WWOX: variants seen among roughly 807,000 people sequenced by gnomAD.
WWOX encodes the protein WW domain-containing oxidoreductase.
A neutral mutation model predicts 46.2 loss-of-function variants in WWOX; 69 were observed. The ratio of observed to expected loss-of-function variants is 1.49; its 90% confidence interval spans 1.23 to 1.82. The LOEUF is 1.82. WWOX is among the 40% of genes most tolerant of loss of function. The pLI, the probability that WWOX is intolerant of heterozygous loss-of-function variation, is 0.00. For missense variants in WWOX, 919 were observed against 542.6 expected (o/e 1.69, Z -6.89); for synonymous variants, 359 against 202.6 (o/e 1.77, Z -6.56).
intron 8 of WWOX, among the ~76,000 whole-genome samples, chr16:78,923,459 C>G (rs140929410): frequency 1.1e-3 from 163 of 152,206 alleles, no homozygotes; most frequent in African/African-American, 3.7e-3. Flanking sequence ...TTCCTAATAT[C>G]TAGTTTATAT....
At chr16:78,415,413 G>C (rs2082776307) in intron 6 of WWOX, among the ~76,000 whole-genome samples, 1 of 152,066 alleles carries the variant, frequency 6.6e-6, no homozygotes, top group African/African-American at 2.4e-5. Flanking sequence ...AGGTCTTTAT[G>C]ACCTGTATCT....
chr16:78,657,348 C>A (rs911319061), intron 8 of WWOX, among the ~76,000 whole-genome samples: 2 of 152,116 alleles, frequency 1.3e-5, no homozygotes, highest in Non-Finnish European at 2.9e-5. Context: ...AGGGGACTTT[C>A]TTGCTTCCTC....
intron 5 of WWOX, among the ~76,000 whole-genome samples, chr16:78,318,130 G>T (rs559281259): frequency 9.9e-5 from 15 of 152,246 alleles, no homozygotes; most frequent in Admixed American, 5.9e-4. Flanking sequence ...TTGATTTAAA[G>T]GCACTGCGTC....
At chr16:78,557,274 A>G (rs1431257984) in intron 8 of WWOX, among the ~76,000 whole-genome samples, 1 of 152,200 alleles carries the variant, frequency 6.6e-6, no homozygotes, top group Non-Finnish European at 1.5e-5. Context: ...CTATGATCAC[A>G]TAGACATTTG....
At chr16:78,532,805 A>G (rs1311009954) in intron 8 of WWOX, among the ~76,000 whole-genome samples, 1 of 152,164 alleles carries the variant, frequency 6.6e-6, no homozygotes, top group Non-Finnish European at 1.5e-5. Context: ...ACCTGCCTCC[A>G]TGATTCAGTT....
intron 8 of WWOX, among the ~76,000 whole-genome samples, chr16:78,691,837 C>G (rs1220076532): frequency 2.6e-5 from 4 of 152,204 alleles, no homozygotes. Flanking sequence ...CAAATCTCAA[C>G]TTGAATTGTA....
intron 8 of WWOX, among the ~76,000 whole-genome samples, chr16:78,615,047 A>G (rs1223837334): frequency 1.3e-5 from 2 of 152,200 alleles, no homozygotes; most frequent in East Asian, 1.9e-4. Flanking sequence ...TGCATTGTCA[A>G]TTCAGAAATA....
At chr16:79,100,387 C>T (rs2049167363) in intron 8 of WWOX, among the ~76,000 whole-genome samples, 2 of 152,236 alleles carry the variant, frequency 1.3e-5, no homozygotes, top group African/African-American at 2.4e-5. Flanking sequence ...AGAAAAGAAG[C>T]CCTGGGTTTA....
chr16:78,938,080 C>G (rs555474545), intron 8 of WWOX, among the ~76,000 whole-genome samples: 43 of 152,324 alleles, frequency 2.8e-4, no homozygotes, highest in African/African-American at 8.9e-4. Flanking sequence ...AGCAGCAGGG[C>G]TAAGATCACC....
At chr16:79,066,181 C>T (rs897822766) in intron 8 of WWOX, among the ~76,000 whole-genome samples, 5 of 152,324 alleles carry the variant, frequency 3.3e-5, no homozygotes, top group African/African-American at 1.2e-4. Flanking sequence ...TCCTAAATCA[C>T]TCCCCTCCCT....
At chr16:78,723,564 TTTCTTTTCTTTTC>T (rs2048744980) in intron 8 of WWOX, among the ~76,000 whole-genome samples, 1 of 28,088 alleles carries the variant, frequency 3.6e-5, no homozygotes, top group Non-Finnish European at 7.1e-5. Flanking sequence ...CTTCTTTTCT[TTTCTTTTCTTTTC>T]TTTTCTTTTC....
intron 5 of WWOX, among the ~76,000 whole-genome samples, chr16:78,174,975 A>T (rs1047675509): frequency 6.7e-6 from 1 of 148,604 alleles, no homozygotes; most frequent in African/African-American, 2.5e-5. Flanking sequence ...GTGACAGAGC[A>T]AGACTCTGTC....
intron 8 of WWOX, among the ~76,000 whole-genome samples, chr16:79,109,795 A>G (rs1597384384): frequency 6.6e-6 from 1 of 152,162 alleles, no homozygotes; most frequent in Admixed American, 6.5e-5. Flanking sequence ...AATCAGAGTC[A>G]TTTTCTCTCT....
At chr16:78,368,049 G>T (rs1206615141) in intron 5 of WWOX, among the ~76,000 whole-genome samples, 1 of 152,184 alleles carries the variant, frequency 6.6e-6, no homozygotes, top group African/African-American at 2.4e-5. Flanking sequence ...GAGCCTCTGT[G>T]CCCGGCTTCT....
rs200594331 is a variant in WWOX at position 78,123,435 on chromosome 16, G to GTTTTTTTTTTTTTT, written c.409+8285_409+8286insTTTTTTTTTTTTTT. On this transcript the variant is annotated intron_variant, in intron 4 of 8. Transcript: ENST00000566780. ...CCCTATGTTTTTTTCTTTGTTTTTT[G>GTTTTTTTTTTTTTT]TTTTGTTTTTTTTTTTTTTGTTTTT... 68 of 48,706 alleles carry GTTTTTTTTTTTTTT rather than the reference G, an allele frequency of 1.4e-3. 10 individuals carry two copies. Among genetic ancestry groups the GTTTTTTTTTTTTTT allele is most frequent in the Middle Eastern group, 0.02 (2 of 100 alleles). 3.0% of individuals were successfully genotyped at this position (48,706 alleles called of 1,614,324 possible).
intron 8 of WWOX, among the ~76,000 whole-genome samples, chr16:78,696,568 G>A (rs1567497969): frequency 6.6e-6 from 1 of 152,098 alleles, no homozygotes; most frequent in Non-Finnish European, 1.5e-5. Flanking sequence ...TGATCACAAG[G>A]GCAAAGAATC....
chr16:78,995,858 G>A (rs1196014217), intron 8 of WWOX, among the ~76,000 whole-genome samples: 1 of 152,220 alleles, frequency 6.6e-6, no homozygotes, highest in Non-Finnish European at 1.5e-5. Context: ...AAATGTTGCA[G>A]TAGGTTTTGG....
rs978726600 is a variant in WWOX, at chr16:78,945,600, G to C, written c.1057-266008G>C. Among the ~76,000 whole-genome samples, 7 of 152,128 alleles carry C rather than the reference G, an allele frequency of 4.6e-5. No individual in the cohort carries two copies. In the East Asian group the frequency reaches 1.4e-3, roughly 29 times the overall value. On this transcript the variant is annotated intron_variant, in intron 8 of 8. Transcript: ENST00000566780. ...GTTTTTTCTCTCTTTTGGTTTGTTG[G>C]CTTATGTTCGCTGCTTGATCTGACT... is the stretch of plus-strand genomic sequence containing the variant.
chr16:78,633,589 G>C (rs1018041677), intron 8 of WWOX, among the ~76,000 whole-genome samples: 5 of 152,120 alleles, frequency 3.3e-5, no homozygotes, highest in African/African-American at 1.2e-4. Flanking sequence ...GCAGGCCTCT[G>C]GCTTCAGAGA....
Sources: allele counts gnomAD v4.1 joint callset (sites outside exome capture counted in the v4.1 genomes callset), GRCh38; gene constraint gnomAD v4.1.1; transcripts MANE v1.5; gene names NCBI Gene and HGNC (gene_info 2026-07-23, HGNC 2026-07-21).